Variants in MGMT observed in about 807,000 individuals in gnomAD.
The protein encoded by MGMT is methylated-DNA--protein-cysteine methyltransferase.
Under a neutral mutation model 15.9 loss-of-function variants are expected in MGMT, and 14 were observed. That is an observed-to-expected ratio of 0.88 (90% CI 0.58 to 1.37). The LOEUF (loss-of-function observed/expected upper bound fraction) is 1.37, where lower values mean the gene tolerates loss of function less well. Ranked by LOEUF, MGMT falls within the 40% of genes most tolerant of loss-of-function variation. The pLI is 0.00. For synonymous variants in MGMT, 130 were observed against 118.2 expected, an observed-to-expected ratio of 1.10 and a Z score of -0.65; for missense variants, 282 against 268.1, an observed-to-expected ratio of 1.05 and a Z score of -0.36.
At chr10:129,581,791 C>A (rs1846558382) in intron 2 of MGMT, among the ~76,000 whole-genome samples, 1 of 152,228 alleles carries the variant, frequency 6.6e-6, no homozygotes, top group African/African-American at 2.4e-5. Context: ...TGAGCATGCC[C>A]AGTGGCCGTC....
intron 2 of MGMT, among the ~76,000 whole-genome samples, chr10:129,703,300 G>A (rs2133137395): frequency 6.6e-6 from 1 of 152,272 alleles, no homozygotes; most frequent in South Asian, 2.1e-4. Context: ...GAACTGCTAG[G>A]AAAGCCAGCT....
At chr10:129,576,648 C>T (rs1350745134) in intron 2 of MGMT, among the ~76,000 whole-genome samples, 2 of 152,150 alleles carry the variant, frequency 1.3e-5, no homozygotes, top group African/African-American at 2.4e-5. Flanking sequence ...CCCTCTTTCA[C>T]CACTCCTATT....
intron 1 of MGMT, among the ~76,000 whole-genome samples, chr10:129,504,480 TGTTGCAGGACAGTTGAAAGTGACACAG>T (rs1365560227): frequency 1.3e-5 from 2 of 152,238 alleles, no homozygotes; most frequent in African/African-American, 2.4e-5. Context: ...GATTTGAATG[TGTTGCAGGACAGTTGAAAGTGACACAG>T]GTTGCAGGAC....
chr10:129,490,521 TA>T (rs1845459229), intron 1 of MGMT, among the ~76,000 whole-genome samples: 4 of 152,170 alleles, frequency 2.6e-5, no homozygotes, highest in African/African-American at 9.6e-5. Flanking sequence ...TATTCTTTTT[TA>T]AAAACTGGTT....
At chr10:129,535,259 CAG>C (rs1456931457) in intron 1 of MGMT, among the ~76,000 whole-genome samples, 1 of 151,988 alleles carries the variant, frequency 6.6e-6, no homozygotes, top group East Asian at 1.9e-4. Context: ...AATGGGAGGA[CAG>C]AGGTAAAATA....
intron 2 of MGMT, among the ~76,000 whole-genome samples, chr10:129,608,544 G>T (rs1428329099): frequency 6.6e-6 from 1 of 152,296 alleles, no homozygotes; most frequent in East Asian, 1.9e-4. Context: ...GGTGTATTGA[G>T]GCATGGCTTT....
At chr10:129,671,892 A>G (rs1324330310) in intron 2 of MGMT, among the ~76,000 whole-genome samples, 1 of 152,260 alleles carries the variant, frequency 6.6e-6, no homozygotes, top group Admixed American at 6.5e-5. Flanking sequence ...AGTTTGGCAA[A>G]TATCAACAAA....
intron 4 of MGMT, among the ~76,000 whole-genome samples, chr10:129,765,249 C>T (rs376292142): frequency 1.6e-4 from 25 of 152,318 alleles, no homozygotes; most frequent in African/African-American, 6.0e-4. Context: ...GGAGGCTCTC[C>T]AGCCAATTCT....
intron 1 of MGMT, among the ~76,000 whole-genome samples, chr10:129,509,915 G>A (rs2119694032): frequency 6.6e-6 from 1 of 152,338 alleles, no homozygotes; most frequent in South Asian, 2.1e-4. Flanking sequence ...GCACCCACCT[G>A]GGGGCTGTTT....
intron 1 of MGMT, among the ~76,000 whole-genome samples, chr10:129,505,116 A>T (rs1845612718): frequency 6.6e-6 from 1 of 152,166 alleles, no homozygotes; most frequent in Non-Finnish European, 1.5e-5. Flanking sequence ...AGGAGAATGA[A>T]GTATTGGGAA....
intron 2 of MGMT, among the ~76,000 whole-genome samples, chr10:129,676,214 G>A (rs528299205): frequency 7.9e-5 from 12 of 152,228 alleles, no homozygotes; most frequent in Non-Finnish European, 1.6e-4. Flanking sequence ...TGGGCCGGAT[G>A]TTACTGAGCC....
intron 2 of MGMT, among the ~76,000 whole-genome samples, chr10:129,641,780 G>A (rs909834335): frequency 3.9e-5 from 6 of 152,120 alleles, no homozygotes; most frequent in Non-Finnish European, 5.9e-5. Flanking sequence ...AACTAACATA[G>A]TCTTCCTCCT....
intron 2 of MGMT, among the ~76,000 whole-genome samples, chr10:129,706,321 C>T (rs1241878830): frequency 6.6e-6 from 1 of 152,210 alleles, no homozygotes; most frequent in African/African-American, 2.4e-5. Flanking sequence ...CTGCATCGGC[C>T]GCCTGTGCTG....
At chr10:129,569,505 G>A (rs775557856) in intron 2 of MGMT, among the ~76,000 whole-genome samples, 2 of 152,126 alleles carry the variant, frequency 1.3e-5, no homozygotes, top group Non-Finnish European at 2.9e-5. Flanking sequence ...TCCTCCCGAC[G>A]TGCTGGGACG....
Position 129,624,705 on chromosome 10 carries a change from C to T in MGMT, c.126-83190C>T, listed in dbSNP as rs189780867. Among the ~76,000 whole-genome samples the T allele has an allele frequency of 2.0e-4, 31 of 152,242 alleles. 1 individual carries two copies. The East Asian group carries it at 5.4e-3, about 27-fold the overall frequency. On this transcript the variant is annotated intron_variant, in intron 2 of 4. Coordinates refer to ENST00000651593, the MANE Select transcript of MGMT (RefSeq NM_002412.5). ...AGGATGGTCAGCATGCCCAGTGCGG[C>T]GGCGAGGACTTCGGAAGTCAGTGGA...
At chr10:129,706,592 G>C (rs184115450) in intron 2 of MGMT, among the ~76,000 whole-genome samples, 3 of 151,928 alleles carry the variant, frequency 2.0e-5, no homozygotes, top group Non-Finnish European at 2.9e-5. Flanking sequence ...GGGAAGTCCC[G>C]GGGAAGCATG....
intron 2 of MGMT, among the ~76,000 whole-genome samples, chr10:129,685,390 A>T (rs112833332): frequency 0.012 from 1,889 of 152,168 alleles, 41 homozygotes; most frequent in African/African-American, 0.041. Context: ...AGCCAGTGTG[A>T]ATCTGGAAGG....
intron 1 of MGMT, among the ~76,000 whole-genome samples, chr10:129,471,251 T>C (rs1350708268): frequency 6.6e-6 from 1 of 152,068 alleles, no homozygotes; most frequent in Non-Finnish European, 1.5e-5. Flanking sequence ...TGCATAGAGG[T>C]TTAGAAAGCG....
rs142550092 is a variant in MGMT at position 129,665,458 on chromosome 10, A to G, written c.126-42437A>G. ...ATCAGCCCTGAGAAAGGAGCAGACA[A>G]TTGATACATACAACATCATGAATGA... On this transcript the variant is annotated intron_variant, in intron 2 of 4. Coordinates refer to ENST00000651593, the MANE Select transcript of MGMT (RefSeq NM_002412.5). Among the ~76,000 whole-genome samples the G allele has an allele frequency of 5.3e-5, 8 of 151,920 alleles. No individual in the cohort carries two copies. The East Asian group carries it at 1.2e-3, about 22-fold the overall frequency.
Sources: gnomAD v4.1 joint callset for allele counts (sites outside exome capture counted in the v4.1 genomes callset) on GRCh38, gnomAD v4.1.1 for gene constraint, MANE v1.5 for transcripts, NCBI Gene and HGNC (gene_info 2026-07-23, HGNC 2026-07-21) for gene names.